The following POU2F1 variants were observed in gnomAD, a reference collection of about 807,000 sequenced individuals.
POU2F1 encodes POU domain, class 2, transcription factor 1.
POU2F1 carries 16 observed loss-of-function variants against 84.9 expected under a neutral mutation model. That is an observed-to-expected ratio of 0.19 (90% CI 0.13 to 0.29). The LOEUF (loss-of-function observed/expected upper bound fraction) is 0.29. Among genes scored for constraint, POU2F1 ranks in the 10% least tolerant of loss-of-function variants. The probability of loss-of-function intolerance (pLI) is 1.00; values close to 1 mark genes in which losing one functional copy is unlikely to be tolerated. For synonymous variants in POU2F1, 368 were observed against 368.3 expected (o/e 1.00, Z 0.01); for missense variants, 738 against 942.6 (o/e 0.78, Z 2.84).
At chr1:167,328,212 G>A (rs921912246) in intron 1 of POU2F1, among the ~76,000 whole-genome samples, 2 of 152,066 alleles carry the variant, frequency 1.3e-5, no homozygotes, top group East Asian at 1.9e-4. Flanking sequence ...TTTTCATGGG[G>A]GAAGGATACT....
intron 1 of POU2F1, among the ~76,000 whole-genome samples, chr1:167,322,418 A>G (rs755815473): frequency 6.6e-6 from 1 of 152,208 alleles, no homozygotes; most frequent in Non-Finnish European, 1.5e-5. Context: ...CCTAGAAGTA[A>G]TCCTACCATC....
chr1:167,299,193 GAAAGA>G (rs1436127900), intron 1 of POU2F1, among the ~76,000 whole-genome samples: 1 of 149,502 alleles, frequency 6.7e-6, no homozygotes, highest in Non-Finnish European at 1.5e-5. Context: ...AAGAATTATG[GAAAGA>G]AAAGAAATAT....
intron 8 of POU2F1, among the ~76,000 whole-genome samples, chr1:167,385,955 C>T (rs2093658): frequency 0.57 from 87,026 of 151,952 alleles, 27,719 homozygotes; most frequent in East Asian, 0.85. Flanking sequence ...ATTGGAGATA[C>T]GTCACCAAAG....
At chr1:167,375,539 G>T (rs765005231) in intron 6 of POU2F1, among the ~76,000 whole-genome samples, 1 of 152,140 alleles carries the variant, frequency 6.6e-6, no homozygotes, top group Non-Finnish European at 1.5e-5. Flanking sequence ...AGAACATGTG[G>T]AAAAGGGCAA....
intron 1 of POU2F1, among the ~76,000 whole-genome samples, chr1:167,323,509 A>G (rs1181370261): frequency 6.6e-6 from 1 of 152,160 alleles, no homozygotes; most frequent in Non-Finnish European, 1.5e-5. Context: ...CACCACTTAA[A>G]TGACTTGATG....
chr1:167,375,899 A>C (rs974745299), intron 6 of POU2F1, 130 bp from the exon 7 acceptor site: 10 of 1,150,210 alleles, frequency 8.7e-6, no homozygotes, highest in Non-Finnish European at 1.2e-5. Context: ...CCCTGTTTGG[A>C]ATATGAAAGC....
At chr1:167,314,880 C>T (rs1655769912) in intron 1 of POU2F1, among the ~76,000 whole-genome samples, 1 of 152,092 alleles carries the variant, frequency 6.6e-6, no homozygotes, top group African/African-American at 2.4e-5. Context: ...GGAGGTGGGG[C>T]CTGGTGGAAA....
intron 1 of POU2F1, among the ~76,000 whole-genome samples, chr1:167,229,447 A>G (rs912990731): frequency 6.6e-6 from 1 of 152,152 alleles, no homozygotes; most frequent in Non-Finnish European, 1.5e-5. Context: ...AATGTTTGAT[A>G]AACATTAATA....
intron 1 of POU2F1, among the ~76,000 whole-genome samples, chr1:167,231,133 C>T (rs185243741): frequency 8.5e-5 from 13 of 152,274 alleles, no homozygotes; most frequent in South Asian, 2.1e-4. Flanking sequence ...TTAGCATTAA[C>T]GATAATAGCT....
intron 7 of POU2F1, among the ~76,000 whole-genome samples, chr1:167,377,938 T>C (rs912096241): frequency 3.3e-5 from 5 of 152,220 alleles, no homozygotes; most frequent in Admixed American, 3.3e-4. Context: ...TTTTTTTTAA[T>C]CCAGTCTAGT....
intron 1 of POU2F1, among the ~76,000 whole-genome samples, chr1:167,298,168 A>G (rs1023031785): frequency 2.6e-5 from 4 of 151,986 alleles, no homozygotes; most frequent in African/African-American, 9.7e-5. Context: ...AAACAAATAG[A>G]GCAAGAACGA....
chr1:167,299,252 G>A (rs1440712792), intron 1 of POU2F1, among the ~76,000 whole-genome samples: 1 of 150,842 alleles, frequency 6.6e-6, no homozygotes, highest in Admixed American at 6.6e-5. Flanking sequence ...AGGATAAAAT[G>A]AAAAGTGTAT....
chr1:167,264,802 T>G (rs1446838363), intron 1 of POU2F1, among the ~76,000 whole-genome samples: 5 of 152,188 alleles, frequency 3.3e-5, no homozygotes, highest in Non-Finnish European at 7.3e-5. Flanking sequence ...AGTTACCAGT[T>G]TTTTTCCTTT....
intron 9 of POU2F1, among the ~76,000 whole-genome samples, chr1:167,391,559 C>CTT (rs1175783404): frequency 0.025 from 1,454 of 57,916 alleles, 294 homozygotes; most frequent in East Asian, 0.043. Flanking sequence ...TTATATATAT[C>CTT]TTTTTTTTTT....
In POU2F1 at chr1:167,418,941, T is replaced by C. The variant is rs2101960892; in HGVS notation, c.*3131T>C. On this transcript the variant is annotated 3_prime_UTR_variant, in exon 16 of 16. Coordinates refer to ENST00000367866, the MANE Select transcript of POU2F1 (RefSeq NM_002697.4). ...AAATTTTTTTCTCTTTTTTTACTTA[T>C]TTAAAAATAAGTTGTGAAATGAAAG... 1 of 152,308 alleles carries C rather than the reference T, an allele frequency of 6.6e-6. No individual in the cohort carries two copies. The highest frequency in any genetic ancestry group is 1.9e-4 in the East Asian group (1 of 5,192). The allele number at this position is 152,308 out of a possible 1,614,324, so 9.4% of individuals were successfully genotyped here.
intron 1 of POU2F1, among the ~76,000 whole-genome samples, chr1:167,288,947 C>T (rs1653726890): frequency 6.6e-6 from 1 of 152,170 alleles, no homozygotes; most frequent in African/African-American, 2.4e-5. Flanking sequence ...TAAAATGGAA[C>T]TCAGTGCTCT....
intron 1 of POU2F1, among the ~76,000 whole-genome samples, chr1:167,287,505 T>C (rs1653616411): frequency 6.6e-6 from 1 of 151,964 alleles, no homozygotes; most frequent in African/African-American, 2.4e-5. Flanking sequence ...AGGAAAAAAA[T>C]AGTCATTGAA....
chr1:167,414,564 A>G, intron 15 of POU2F1: 1 of 985,470 alleles, frequency 1.0e-6, no homozygotes, highest in African/African-American at 1.7e-5. Context: ...TTGCCAGACA[A>G]CAGGTTGAGA....
At chr1:167,380,147 G>A (rs1047061254) in intron 7 of POU2F1, 7 of 152,158 alleles carry the variant, frequency 4.6e-5, no homozygotes, top group Admixed American at 1.3e-4. Context: ...AGACTCTAAA[G>A]CCAAACTGTC....
Sources: gnomAD v4.1 joint callset for allele counts (sites outside exome capture counted in the v4.1 genomes callset) on GRCh38, gnomAD v4.1.1 for gene constraint, MANE v1.5 for transcripts, NCBI Gene and HGNC (gene_info 2026-07-23, HGNC 2026-07-21) for gene names.